Variants in FAT4 observed in about 807,000 individuals in gnomAD.
FAT4 encodes FAT atypical cadherin 4, also known as protocadherin Fat 4.
FAT4 carries 84 observed loss-of-function variants against 303.9 expected under a neutral mutation model. The ratio of observed to expected loss-of-function variants is 0.28; its 90% confidence interval spans 0.23 to 0.33. The LOEUF is 0.33. Ranked by LOEUF, FAT4 falls within the 10% of genes least tolerant of loss-of-function variation. The pLI, the probability that FAT4 is intolerant of heterozygous loss-of-function variation, is 1.00. For synonymous variants in FAT4, 2,307 were observed against 2,298.8 expected, an observed-to-expected ratio of 1.00 and a Z score of -0.10; for missense variants, 6,005 against 6,146.8, an observed-to-expected ratio of 0.98 and a Z score of 0.77.
intron 2 of FAT4, among the ~76,000 whole-genome samples, chr4:125,395,816 C>T (rs536023394): frequency 6.6e-6 from 1 of 152,014 alleles, no homozygotes; most frequent in Non-Finnish European, 1.5e-5. Flanking sequence ...GTTTTGAACT[C>T]AATAATATTT....
rs1257597232 is a variant in FAT4 at position 125,393,291 on chromosome 4, GT to G, written c.5176-5492del. 2.6e-5 allele frequency among the ~76,000 whole-genome samples: 4 copies of G among 152,086 alleles called. No individual in the cohort carries two copies. In the East Asian group the frequency reaches 5.8e-4, roughly 22 times the overall value. Reference sequence around the variant, plus strand: ...GAATATGTTTAGAATTGTGGTTGAGGTGGCAACCACCATGCAATTATCAGTT... The same window carrying G: ...GAATATGTTTAGAATTGTGGTTGAGGGGCAACCACCATGCAATTATCAGTT... On this transcript the variant is annotated intron_variant, in intron 2 of 17. Transcript: ENST00000394329.
intron 2 of FAT4, among the ~76,000 whole-genome samples, chr4:125,329,799 G>A (rs990119462): frequency 6.6e-6 from 1 of 152,062 alleles, no homozygotes; most frequent in Non-Finnish European, 1.5e-5. Context: ...CTTCTTTTCA[G>A]TTGATGGCAA....
In FAT4 at chr4:125,449,875, G is replaced by A. The variant is rs773995723; in HGVS notation, c.8865G>A (p.Val2955=). ...NVNINRHSFI[V]TSSDRGKPSL... ...ATATCAACAGGCATAGTTTTATAGTGACATCTTCAGATCGAGGTAAACCTT... is the reference window on the plus strand; with the variant it reads ...ATATCAACAGGCATAGTTTTATAGTAACATCTTCAGATCGAGGTAAACCTT... The change falls in exon 10 of 18, where the codon GTG becomes GTA. Residue 2955 remains valine (V), a synonymous_variant. Coordinates refer to ENST00000394329, the MANE Select transcript of FAT4 (RefSeq NM_001291303.3). The A allele has an allele frequency of 1.9e-6, 3 of 1,613,948 alleles. No homozygotes were observed. Among genetic ancestry groups the A allele is most frequent in the Non-Finnish European group, 2.5e-6 (3 of 1,179,914 alleles).
intron 2 of FAT4, among the ~76,000 whole-genome samples, chr4:125,338,240 C>T (rs1731648343): frequency 6.6e-6 from 1 of 152,110 alleles, no homozygotes; most frequent in Non-Finnish European, 1.5e-5. Flanking sequence ...GGGACATTAA[C>T]CTGTTTCTCT....
chr4:125,489,761 T>G (rs1026719669), intron 17 of FAT4, 140 bp from the exon 18 acceptor site: 1 of 647,896 alleles, frequency 1.5e-6, no homozygotes, highest in Non-Finnish European at 2.5e-6. Context: ...ATGATGGTTC[T>G]GAGACTGAGG....
intron 2 of FAT4, among the ~76,000 whole-genome samples, chr4:125,359,513 TACTC>T (rs1732570457): frequency 6.6e-6 from 1 of 152,188 alleles, no homozygotes; most frequent in Admixed American, 6.6e-5. Flanking sequence ...ATAATACTGT[TACTC>T]AGTAAATGGA....
chr4:125,413,721 T>C (rs559774293), intron 5 of FAT4, among the ~76,000 whole-genome samples: 58 of 152,080 alleles, frequency 3.8e-4, no homozygotes, highest in Admixed American at 7.9e-4. Flanking sequence ...AAAAGTTAAC[T>C]GAAGTATTGA....
intron 4 of FAT4, 90 bp downstream of exon 4, chr4:125,407,231 T>C: frequency 8.5e-7 from 1 of 1,170,552 alleles, no homozygotes; most frequent in South Asian, 1.5e-5. Flanking sequence ...AATCAATGAT[T>C]AGTTTTTAAT....
At chr4:125,370,256 G>A (rs1733055665) in intron 2 of FAT4, among the ~76,000 whole-genome samples, 1 of 152,114 alleles carries the variant, frequency 6.6e-6, no homozygotes, top group Non-Finnish European at 1.5e-5. Flanking sequence ...GCACTTGTAT[G>A]TTTCATACTG....
chr4:125,419,119 T>C (rs781304399), intron 7 of FAT4, among the ~76,000 whole-genome samples: 2 of 152,194 alleles, frequency 1.3e-5, no homozygotes, highest in Non-Finnish European at 2.9e-5. Context: ...CATGTTTGTA[T>C]CTATGATTGG....
Position 125,320,673 on chromosome 4 carries a change from C to G in FAT4, c.4262C>G (p.Pro1421Arg), listed in dbSNP as rs1218250615. 6.2e-7 allele frequency: 1 copy of G among 1,613,882 alleles called. No individual in the cohort carries two copies. Among genetic ancestry groups the G allele is most frequent in the Admixed American group, 1.7e-5 (1 of 60,018 alleles). ...RDFNDNPPSF[P>R]PGDIFKSIVE... Reference sequence around the variant, plus strand: ...TTTAATGACAATCCTCCTAGCTTTCCTCCTGGAGATATTTTCAAGTCTATT... The same window carrying G: ...TTTAATGACAATCCTCCTAGCTTTCGTCCTGGAGATATTTTCAAGTCTATT... Residue 1421 changes from proline (P) to arginine (R), a missense_variant, in exon 2 of 18, where the codon CCT (proline) becomes CGT (arginine). By Grantham distance (103) the Pro-to-Arg change is moderately radical. Coordinates refer to ENST00000394329, the MANE Select transcript of FAT4 (RefSeq NM_001291303.3).
chr4:125,403,843 G>C (rs992852255), intron 3 of FAT4, among the ~76,000 whole-genome samples: 5 of 152,006 alleles, frequency 3.3e-5, no homozygotes, highest in Admixed American at 3.3e-4. Flanking sequence ...AATATATATG[G>C]AAATGTTGAG....
intron 8 of FAT4, 80 bp from the exon 9 acceptor site, chr4:125,446,213 C>T: frequency 2.5e-6 from 3 of 1,213,832 alleles, no homozygotes; most frequent in Non-Finnish European, 3.4e-6. Context: ...GCATTTCTAC[C>T]TCAGTTTTTT....
At chr4:125,343,106 A>G (rs569576095) in intron 2 of FAT4, among the ~76,000 whole-genome samples, 1 of 152,226 alleles carries the variant, frequency 6.6e-6, no homozygotes, top group South Asian at 2.1e-4. Context: ...AATCATATTC[A>G]TATTCATATA....
rs79052992 is a variant in FAT4, at chr4:125,324,048, A to T, written c.5175+2462A>T. On this transcript the variant is annotated intron_variant, in intron 2 of 17. Coordinates refer to ENST00000394329, the MANE Select transcript of FAT4 (RefSeq NM_001291303.3). Reference sequence around the variant, plus strand: ...ATTCCAAAGATGTGTCCAGTTATACACCTTTACTTACGCTACTTGTTATAT... The same window carrying T: ...ATTCCAAAGATGTGTCCAGTTATACTCCTTTACTTACGCTACTTGTTATAT... Among the ~76,000 whole-genome samples, 802 of 152,234 alleles carry T rather than the reference A, an allele frequency of 5.3e-3. 6 individuals carry two copies. Among genetic ancestry groups the T allele is most frequent in the African/African-American group, 0.018 (732 of 41,558 alleles).
At position 125,446,535 on chromosome 4, in the gene FAT4, C is replaced by G. The variant is rs752015424; in HGVS notation, c.7442C>G (p.Thr2481Ser). 9.3e-6 allele frequency: 15 copies of G among 1,608,838 alleles called. No individual in the cohort carries two copies. The highest frequency in any genetic ancestry group is 1.3e-5 in the African/African-American group (1 of 74,772). The change falls in exon 9 of 18, where the codon ACT becomes AGT. Residue 2481 changes from threonine (T) to serine (S), a missense_variant. Coordinates refer to ENST00000394329, the MANE Select transcript of FAT4 (RefSeq NM_001291303.3). ...TATGTCACTCACATCCCATCTCCTA[C>G]TCTTCCAGGTAATCAACCAAATTCT... ...HPYVTHIPSP[T>S]LPGSFVFAVT...
chr4:125,465,577 C>A (rs534666610), intron 11 of FAT4, among the ~76,000 whole-genome samples: 9 of 152,176 alleles, frequency 5.9e-5, no homozygotes, highest in Admixed American at 4.6e-4. Flanking sequence ...AAAATTGATA[C>A]ACAATAAAAA....
chr4:125,412,529 TTATTA>T (rs1377440079), intron 5 of FAT4, among the ~76,000 whole-genome samples: 4 of 151,874 alleles, frequency 2.6e-5, no homozygotes, highest in African/African-American at 9.7e-5. Context: ...AGCTTAAAAT[TTATTA>T]CTTCCCTTAC....
chr4:125,361,322 G>C (rs774887018), intron 2 of FAT4, among the ~76,000 whole-genome samples: 1 of 152,148 alleles, frequency 6.6e-6, no homozygotes, highest in Non-Finnish European at 1.5e-5. Context: ...GCAGTAACAA[G>C]GTACAAGGGG....
Sources: allele counts gnomAD v4.1 joint callset (sites outside exome capture counted in the v4.1 genomes callset), GRCh38; gene constraint gnomAD v4.1.1; transcripts MANE v1.5; gene names NCBI Gene and HGNC (gene_info 2026-07-23, HGNC 2026-07-21).